PIK3AP1: variants seen among roughly 807,000 people sequenced by gnomAD.
PIK3AP1 encodes the protein phosphoinositide 3-kinase adapter protein 1.
A neutral mutation model predicts 88.1 loss-of-function variants in PIK3AP1; 21 were observed. That is an observed-to-expected ratio of 0.24 (90% CI 0.17 to 0.34). The LOEUF is 0.34. Among genes scored for constraint, PIK3AP1 ranks in the 10% least tolerant of loss-of-function variants. The pLI is 1.00. For missense variants in PIK3AP1, 828 were observed against 1,035.7 expected, an observed-to-expected ratio of 0.80 and a Z score of 2.75; for synonymous variants, 398 against 400.0, an observed-to-expected ratio of 1.00 and a Z score of 0.06.
At chr10:96,606,434 G>C (rs1849003568) in intron 14 of PIK3AP1, among the ~76,000 whole-genome samples, 1 of 152,206 alleles carries the variant, frequency 6.6e-6, no homozygotes, top group South Asian at 2.1e-4. Context: ...ACAGGCACCA[G>C]CTCCATGACT....
chr10:96,662,431 A>C (rs949821117), intron 2 of PIK3AP1, among the ~76,000 whole-genome samples: 1 of 149,208 alleles, frequency 6.7e-6, no homozygotes, highest in African/African-American at 2.5e-5. Context: ...GTGAAACCCT[A>C]TCTCTACTAA....
At chr10:96,677,859 G>A (rs1449896812) in intron 2 of PIK3AP1, among the ~76,000 whole-genome samples, 3 of 152,174 alleles carry the variant, frequency 2.0e-5, no homozygotes, top group Non-Finnish European at 4.4e-5. Flanking sequence ...TCACCTCAGA[G>A]GGAGGTGAGA....
At chr10:96,623,189 CTAAT>C (rs1235324026) in intron 11 of PIK3AP1, among the ~76,000 whole-genome samples, 2 of 152,042 alleles carry the variant, frequency 1.3e-5, no homozygotes, top group African/African-American at 2.4e-5. Context: ...TTGGATCTCT[CTAAT>C]TAATTAAATA....
At chr10:96,616,896 T>C (rs545139607) in intron 12 of PIK3AP1, among the ~76,000 whole-genome samples, 185 bp from the exon 13 acceptor site, 3 of 152,318 alleles carry the variant, frequency 2.0e-5, no homozygotes, top group Admixed American at 2.0e-4. Flanking sequence ...TCACAGAATC[T>C]GTGCCTGAAG....
chr10:96,632,838 A>C (rs139454475), intron 8 of PIK3AP1: 31 of 1,590,076 alleles, frequency 1.9e-5, no homozygotes, highest in Non-Finnish European at 2.3e-5. Flanking sequence ...CACATCCACC[A>C]GTCCAACACC....
chr10:96,616,419 G>T (rs986264626), intron 13 of PIK3AP1, among the ~76,000 whole-genome samples: 28 of 152,184 alleles, frequency 1.8e-4, no homozygotes, highest in African/African-American at 6.8e-4. Flanking sequence ...TCACTTCCGG[G>T]CATGTCTTAT....
chr10:96,651,196 G>A, intron 6 of PIK3AP1, 52 bp downstream of exon 6: 4 of 1,608,618 alleles, frequency 2.5e-6, no homozygotes, highest in African/African-American at 1.3e-5. Context: ...GCTGAAACCA[G>A]CAGGCTAGAA....
chr10:96,671,367 G>A (rs1843844077), intron 2 of PIK3AP1, among the ~76,000 whole-genome samples: 1 of 152,154 alleles, frequency 6.6e-6, no homozygotes, highest in Non-Finnish European at 1.5e-5. Context: ...TCATCACCAT[G>A]GGTCTTTCTT....
Position 96,648,663 on chromosome 10 carries a change from T to C in PIK3AP1, c.1181A>G (p.Tyr394Cys). The change falls in exon 7 of 17, where the codon TAT becomes TGT. Residue 394 changes from tyrosine (Y) to cysteine (C), a missense_variant. By Grantham distance (194) the Tyr-to-Cys change is radical (BLOSUM62 -2). Coordinates refer to ENST00000339364, the MANE Select transcript of PIK3AP1 (RefSeq NM_152309.3). ...FRDLRQFIDE[Y>C]VETVDMLKSH... ...CCCCTCCTGCCTTGACCTTACCACATACTCGTCGATGAACTGCCGCAGGTC... is the reference window on the plus strand; with the variant it reads ...CCCCTCCTGCCTTGACCTTACCACACACTCGTCGATGAACTGCCGCAGGTC... The C allele has an allele frequency of 6.2e-7, 1 of 1,606,944 alleles. No individual in the cohort carries two copies. The highest frequency in any genetic ancestry group is 8.5e-7 in the Non-Finnish European group (1 of 1,177,184).
intron 3 of PIK3AP1, among the ~76,000 whole-genome samples, chr10:96,656,215 G>A (rs893405371): frequency 1.3e-5 from 2 of 152,220 alleles, no homozygotes; most frequent in African/African-American, 4.8e-5. Flanking sequence ...ACTAAGGTAG[G>A]ATTCAAATGG....
intron 8 of PIK3AP1, among the ~76,000 whole-genome samples, chr10:96,641,085 C>CTG (rs1843380208): frequency 1.7e-5 from 2 of 114,298 alleles, no homozygotes; most frequent in African/African-American, 7.1e-5. Flanking sequence ...TGTGAGTGTG[C>CTG]CGTGTGTGTG....
intron 3 of PIK3AP1, among the ~76,000 whole-genome samples, chr10:96,655,090 A>G (rs1326484081): frequency 6.6e-6 from 1 of 152,190 alleles, no homozygotes. Flanking sequence ...GAGTCTCACC[A>G]TGTTGCCCAG....
chr10:96,600,088 G>C (rs1419119184), intron 16 of PIK3AP1, among the ~76,000 whole-genome samples: 1 of 151,900 alleles, frequency 6.6e-6, no homozygotes, highest in Non-Finnish European at 1.5e-5. Context: ...TCACCTTCAG[G>C]AATAAAAGGC....
chr10:96,689,438 C>T (rs564894777), intron 2 of PIK3AP1, among the ~76,000 whole-genome samples: 123 of 151,680 alleles, frequency 8.1e-4, no homozygotes, highest in South Asian at 2.7e-3. Flanking sequence ...GGCGTGGTGG[C>T]GGGCGCCTGT....
intron 1 of PIK3AP1, among the ~76,000 whole-genome samples, chr10:96,715,660 G>A (rs570283262): frequency 6.6e-6 from 1 of 152,304 alleles, no homozygotes; most frequent in East Asian, 1.9e-4. Flanking sequence ...GGAGGCCAAG[G>A]CGGGTGGATC....
At chr10:96,598,477 C>T (rs1848823065) in intron 16 of PIK3AP1, among the ~76,000 whole-genome samples, 1 of 152,098 alleles carries the variant, frequency 6.6e-6, no homozygotes, top group Non-Finnish European at 1.5e-5. Context: ...TCTATCCTTC[C>T]ATCCATTCAC....
chr10:96,718,194 GGTGATGAAAAT>G (rs1844527366), intron 1 of PIK3AP1, among the ~76,000 whole-genome samples: 1 of 152,172 alleles, frequency 6.6e-6, no homozygotes, highest in Non-Finnish European at 1.5e-5. Context: ...TTCTTTCTGA[GGTGATGAAAAT>G]GTCCCAAAAT....
intron 2 of PIK3AP1, 148 bp from the exon 3 acceptor site, chr10:96,657,082 C>G (rs1315826404): frequency 1.2e-6 from 1 of 829,212 alleles, no homozygotes; most frequent in Admixed American, 2.8e-5. Flanking sequence ...CTCAGGAAAT[C>G]ATGAAAGGCG....
intron 8 of PIK3AP1, among the ~76,000 whole-genome samples, chr10:96,639,974 G>C (rs12251867): frequency 0.29 from 44,239 of 152,134 alleles, 6,809 homozygotes; most frequent in East Asian, 0.43. Context: ...AGCTTGCAGA[G>C]AGGGGCTGTA....
Sources: gnomAD v4.1 joint callset for allele counts (sites outside exome capture counted in the v4.1 genomes callset) on GRCh38, gnomAD v4.1.1 for gene constraint, MANE v1.5 for transcripts, NCBI Gene and HGNC (gene_info 2026-07-23, HGNC 2026-07-21) for gene names.